Variants in SLC1A1 observed in about 807,000 individuals in gnomAD.
SLC1A1 encodes excitatory amino acid transporter 3.
A neutral mutation model predicts 53.3 loss-of-function variants in SLC1A1; 43 were observed. That is an observed-to-expected ratio of 0.81 (90% CI 0.63 to 1.04). The LOEUF (loss-of-function observed/expected upper bound fraction) is 1.04, where lower values mean the gene tolerates loss of function less well. Ranked by LOEUF, SLC1A1 falls within the 50% of genes least tolerant of loss-of-function variation. The pLI is 0.00. For synonymous variants in SLC1A1, 307 were observed against 243.2 expected (o/e 1.26, Z -2.44); for missense variants, 748 against 664.9 (o/e 1.12, Z -1.37).
intron 8 of SLC1A1, among the ~76,000 whole-genome samples, chr9:4,575,312 T>C (rs1029801352): frequency 6.6e-6 from 1 of 152,210 alleles, no homozygotes; most frequent in Admixed American, 6.5e-5. Context: ...TTAAGCCTCC[T>C]AGTTCATGTA....
At chr9:4,546,882 C>T (rs572949840) in intron 2 of SLC1A1, among the ~76,000 whole-genome samples, 3 of 152,304 alleles carry the variant, frequency 2.0e-5, no homozygotes, top group South Asian at 4.1e-4. Flanking sequence ...CACAATTGTA[C>T]ATATATACTA....
chr9:4,574,776 C>G (rs1442800815), intron 8 of SLC1A1, among the ~76,000 whole-genome samples: 7 of 152,164 alleles, frequency 4.6e-5, no homozygotes, highest in African/African-American at 1.7e-4. Flanking sequence ...TCTCACAAGT[C>G]AATACCTACA....
chr9:4,539,554 T>G (rs1844766125), intron 1 of SLC1A1, among the ~76,000 whole-genome samples: 1 of 152,150 alleles, frequency 6.6e-6, no homozygotes, highest in South Asian at 2.1e-4. Flanking sequence ...GTTTCTTTCT[T>G]TGTGTTTTAC....
intron 7 of SLC1A1, among the ~76,000 whole-genome samples, 154 bp downstream of exon 7, chr9:4,572,542 T>C (rs561424908): frequency 1.3e-5 from 2 of 152,186 alleles, no homozygotes; most frequent in African/African-American, 4.8e-5. Context: ...GGGCTTTTGT[T>C]GCTGTTCTTT....
In SLC1A1 at chr9:4,532,481, A is replaced by C. The variant is rs572572658; in HGVS notation, c.92-12086A>C. ...GGTATCAGTGATGGAAGATGAAATG[A>C]ATGAAATGAAGTGAGAAGAGAAGTT... On this transcript the variant is annotated intron_variant, in intron 1 of 11. Coordinates refer to ENST00000262352, the MANE Select transcript of SLC1A1 (RefSeq NM_004170.6). 6.4e-4 allele frequency among the ~76,000 whole-genome samples: 98 copies of C among 152,316 alleles called. 1 individual carries two copies. In the South Asian group the frequency reaches 0.019, roughly 29 times the overall value.
intron 1 of SLC1A1, among the ~76,000 whole-genome samples, chr9:4,504,980 G>A (rs1169512466): frequency 3.3e-5 from 5 of 151,704 alleles, no homozygotes; most frequent in Admixed American, 1.3e-4. Context: ...ATAAGGAAAT[G>A]GCCTCGGTTT....
rs1821548165 is a variant in SLC1A1, at chr9:4,586,049, A to T, written c.*491A>T. ...CCCCAGTTAATGTGCCAAAATGTCA[A>T]TTTTTAACTTATCTCCAGCCAATTT... On this transcript the variant is annotated 3_prime_UTR_variant, in exon 12 of 12. Coordinates refer to ENST00000262352, the MANE Select transcript of SLC1A1 (RefSeq NM_004170.6). The T allele has an allele frequency of 5.7e-6, 1 of 176,700 alleles. No homozygotes were observed. Among genetic ancestry groups the T allele is most frequent in the African/African-American group, 2.4e-5 (1 of 41,534 alleles). The allele number at this position is 176,700 out of a possible 1,614,324, so 10.9% of individuals were successfully genotyped here.
intron 1 of SLC1A1, among the ~76,000 whole-genome samples, chr9:4,533,088 G>A (rs12005500): frequency 0.02 from 3,066 of 152,180 alleles, 111 homozygotes; most frequent in African/African-American, 0.07. Flanking sequence ...AGGAAAAACC[G>A]GTGCCAGCCA....
At chr9:4,497,228 G>T (rs1295441042) in intron 1 of SLC1A1, among the ~76,000 whole-genome samples, 1 of 152,112 alleles carries the variant, frequency 6.6e-6, no homozygotes, top group Admixed American at 6.6e-5. Context: ...TTTCCATCAA[G>T]CATATTTTCA....
chr9:4,545,476 G>A (rs1817412217), intron 2 of SLC1A1, among the ~76,000 whole-genome samples: 1 of 152,206 alleles, frequency 6.6e-6, no homozygotes, highest in East Asian at 1.9e-4. Flanking sequence ...AAATATAGTT[G>A]TCAATTTTGA....
At chr9:4,536,659 G>C (rs1488817239) in intron 1 of SLC1A1, among the ~76,000 whole-genome samples, 1 of 152,190 alleles carries the variant, frequency 6.6e-6, no homozygotes, top group East Asian at 1.9e-4. Flanking sequence ...TCTTGAACTA[G>C]AAATACCATT....
chr9:4,517,237 C>T (rs1023302201), intron 1 of SLC1A1, among the ~76,000 whole-genome samples: 3 of 152,200 alleles, frequency 2.0e-5, no homozygotes, highest in African/African-American at 7.2e-5. Flanking sequence ...CCTTCTCACT[C>T]TCACATCCAA....
At chr9:4,543,711 A>C (rs185177261) in intron 1 of SLC1A1, among the ~76,000 whole-genome samples, 162 of 152,346 alleles carry the variant, frequency 1.1e-3, no homozygotes, top group Admixed American at 3.7e-3. Flanking sequence ...AACTGAAAAG[A>C]GTGCAAAACA....
intron 3 of SLC1A1, 113 bp from the exon 4 acceptor site, chr9:4,564,231 C>T: frequency 1.3e-6 from 1 of 766,086 alleles, no homozygotes; most frequent in Non-Finnish European, 2.3e-6. Flanking sequence ...CCTCAGGGTC[C>T]TCCCCATCAC....
At chr9:4,550,822 G>GA (rs1817868260) in intron 2 of SLC1A1, among the ~76,000 whole-genome samples, 1 of 152,206 alleles carries the variant, frequency 6.6e-6, no homozygotes, top group Non-Finnish European at 1.5e-5. Context: ...TTTCTATGAA[G>GA]GGCCCAATAG....
At chr9:4,511,402 C>G (rs1440543351) in intron 1 of SLC1A1, among the ~76,000 whole-genome samples, 8 of 152,114 alleles carry the variant, frequency 5.3e-5, no homozygotes, top group Non-Finnish European at 1.0e-4. Flanking sequence ...TTCAGGAGGG[C>G]TCTCCCCTCA....
intron 1 of SLC1A1, among the ~76,000 whole-genome samples, chr9:4,520,538 G>A (rs979665894): frequency 1.2e-4 from 19 of 152,076 alleles, no homozygotes; most frequent in Non-Finnish European, 2.8e-4. Flanking sequence ...GGCTTCTTTG[G>A]CTTGTTTCAC....
intron 1 of SLC1A1, among the ~76,000 whole-genome samples, chr9:4,505,390 G>C (rs561596866): frequency 9.2e-5 from 14 of 152,132 alleles, no homozygotes; most frequent in African/African-American, 3.1e-4. Context: ...ATAGGGTCTT[G>C]TCTTTCACCT....
chr9:4,501,551 G>C lies in SLC1A1; in HGVS notation c.91+10781G>C, dbSNP rs139222056. ...AGGCCGAGGTGGGCAGATCACCTGA[G>C]GTCAGGAGTTCAAGACCAGCCTGAC... On this transcript the variant is annotated intron_variant, in intron 1 of 11. Transcript: ENST00000262352. Among the ~76,000 whole-genome samples, 1,049 of 151,684 alleles carry C rather than the reference G, an allele frequency of 6.9e-3. 48 individuals carry two copies. The highest frequency in any genetic ancestry group is 0.025 in the African/African-American group (1,007 of 41,020).
Sources: allele counts gnomAD v4.1 joint callset (sites outside exome capture counted in the v4.1 genomes callset), GRCh38; gene constraint gnomAD v4.1.1; transcripts MANE v1.5; gene names NCBI Gene and HGNC (gene_info 2026-07-23, HGNC 2026-07-21).